The following SEPTIN2 variants were observed in gnomAD, a reference collection of about 807,000 sequenced individuals.
SEPTIN2 encodes septin 2, also known as septin-2.
SEPTIN2 carries 34 observed loss-of-function variants against 46.5 expected under a neutral mutation model. That is an observed-to-expected ratio of 0.73 (90% CI 0.56 to 0.97). SEPTIN2 has a LOEUF of 0.97. Among genes scored for constraint, SEPTIN2 ranks in the 50% least tolerant of loss-of-function variants. The probability of loss-of-function intolerance (pLI) is 0.00; values close to 1 mark genes in which losing one functional copy is unlikely to be tolerated. For synonymous variants in SEPTIN2, 175 were observed against 153.4 expected, an observed-to-expected ratio of 1.14 and a Z score of -1.04; for missense variants, 347 against 448.4, an observed-to-expected ratio of 0.77 and a Z score of 2.04.
At chr2:241,331,133 C>G (rs1366289116) in intron 3 of SEPTIN2, among the ~76,000 whole-genome samples, 2 of 152,070 alleles carry the variant, frequency 1.3e-5, no homozygotes, top group African/African-American at 4.8e-5. Flanking sequence ...GAGCCGAGGT[C>G]ATGCCACTGC....
chr2:241,338,282 C>G (rs1471481815), intron 7 of SEPTIN2, among the ~76,000 whole-genome samples: 1 of 152,090 alleles, frequency 6.6e-6, no homozygotes, highest in African/African-American at 2.4e-5. Flanking sequence ...CCGTGTATGT[C>G]TGTAAAGCCT....
In SEPTIN2 at chr2:241,317,453, T is replaced by C. The variant is rs2076520562; in HGVS notation, c.-18+1471T>C. The C allele has an allele frequency of 6.5e-6, 5 of 768,310 alleles. No individual in the cohort carries two copies. In the African/African-American group the frequency reaches 7.6e-5, roughly 12 times the overall value. The allele number at this position is 768,310 out of a possible 1,614,324, so 47.6% of individuals were successfully genotyped here. On this transcript the variant is annotated intron_variant, in intron 1 of 12. Coordinates refer to ENST00000391971, the MANE Select transcript of SEPTIN2 (RefSeq NM_004404.5). ...GGAAAGGGGCCAGGGTTTCCCTCTA[T>C]CATTCATAAATGTAATTCAGGGCCC... is the stretch of plus-strand genomic sequence containing the variant.
At chr2:241,335,418 C>T (rs1471269970) in intron 4 of SEPTIN2, 8 of 1,378,734 alleles carry the variant, frequency 5.8e-6, no homozygotes, top group Non-Finnish European at 8.1e-6. Flanking sequence ...ATCCATGGAT[C>T]CATCCTCTCT....
chr2:241,316,689 C>T, intron 1 of SEPTIN2: 1 of 551,630 alleles, frequency 1.8e-6, no homozygotes, highest in Non-Finnish European at 3.0e-6. Flanking sequence ...CCCAGACAAA[C>T]CTGGCTTGCT....
chr2:241,339,245 T>A (rs542569292), intron 7 of SEPTIN2, among the ~76,000 whole-genome samples: 1 of 150,998 alleles, frequency 6.6e-6, no homozygotes. Context: ...TTACAAAAGT[T>A]AGCCGGGCGT....
chr2:241,330,935 C>T (rs567569659), intron 3 of SEPTIN2, among the ~76,000 whole-genome samples: 12 of 152,248 alleles, frequency 7.9e-5, no homozygotes, highest in South Asian at 4.2e-4. Context: ...TTTGGGAGCC[C>T]GAGGCTGGCA....
At chr2:241,350,350 C>T (rs1372995088) in intron 12 of SEPTIN2, 147 bp downstream of exon 12, 2 of 412,446 alleles carry the variant, frequency 4.8e-6, no homozygotes, top group Non-Finnish European at 8.7e-6. Context: ...GAGATTGCTC[C>T]TGAAAAACAG....
chr2:241,316,521 G>T (rs567493376), intron 1 of SEPTIN2: 87 of 1,521,264 alleles, frequency 5.7e-5, no homozygotes, highest in Non-Finnish European at 7.3e-5. Flanking sequence ...GGGTACCTTC[G>T]GCGAGGAGAG....
intron 2 of SEPTIN2, among the ~76,000 whole-genome samples, chr2:241,325,534 C>T (rs62186438): frequency 1.3e-5 from 2 of 152,142 alleles, no homozygotes; most frequent in African/African-American, 2.4e-5. Context: ...TTCAGAAATG[C>T]ATTGCACCTA....
intron 5 of SEPTIN2, chr2:241,336,964 T>G (rs2080111122): frequency 6.4e-6 from 1 of 155,452 alleles, no homozygotes; most frequent in African/African-American, 2.4e-5. Flanking sequence ...CGTGGTGGCG[T>G]GTGCCTATAA....
intron 1 of SEPTIN2, chr2:241,316,404 T>G: frequency 1.0e-6 from 1 of 975,984 alleles, no homozygotes; most frequent in Non-Finnish European, 1.4e-6. Flanking sequence ...TTTCTAACGG[T>G]GCCATTTCCT....
intron 3 of SEPTIN2, among the ~76,000 whole-genome samples, chr2:241,332,765 A>G (rs112359489): frequency 1.6e-4 from 24 of 152,378 alleles, no homozygotes; most frequent in African/African-American, 4.8e-4. Flanking sequence ...GTGTAGCCAT[A>G]CAATGGAATA....
intron 7 of SEPTIN2, among the ~76,000 whole-genome samples, chr2:241,338,065 A>C (rs1198243059): frequency 6.6e-6 from 1 of 152,232 alleles, no homozygotes; most frequent in Non-Finnish European, 1.5e-5. Context: ...AGTACCTTCC[A>C]TGGGAGTTAA....
At chr2:241,331,583 A>C (rs1275857924) in intron 3 of SEPTIN2, among the ~76,000 whole-genome samples, 2 of 152,162 alleles carry the variant, frequency 1.3e-5, no homozygotes, top group Non-Finnish European at 2.9e-5. Context: ...TAGAAATGGC[A>C]TTTTGTCATA....
intron 3 of SEPTIN2, among the ~76,000 whole-genome samples, chr2:241,332,855 A>G (rs931798677): frequency 1.4e-4 from 21 of 152,372 alleles, no homozygotes; most frequent in African/African-American, 5.1e-4. Context: ...GAGCAAAAGC[A>G]GCCAGACACA....
chr2:241,326,082 A>G lies in SEPTIN2; in HGVS notation c.99A>G (p.Lys33=), dbSNP rs750056081. 8 of 1,613,772 alleles carry G rather than the reference A, an allele frequency of 5.0e-6. No individual in the cohort carries two copies. In the East Asian group the frequency reaches 1.6e-4, roughly 31 times the overall value. The change falls in exon 3 of 13, where the codon AAA becomes AAG. Residue 33 remains lysine, a synonymous_variant. Coordinates refer to ENST00000391971, the MANE Select transcript of SEPTIN2 (RefSeq NM_004404.5). ...ATCAAGTTCACCGAAAATCAGTGAA[A>G]AAAGGTTTTGAGTTCACACTGATGG... ...LPNQVHRKSV[K]KGFEFTLMVV...
At chr2:241,344,337 C>T (rs918363907) in intron 9 of SEPTIN2, among the ~76,000 whole-genome samples, 2 of 152,140 alleles carry the variant, frequency 1.3e-5, no homozygotes, top group African/African-American at 4.8e-5. Flanking sequence ...CCCTGGTTAG[C>T]TTTTTGTGTC....
At chr2:241,338,856 A>G (rs1376917049) in intron 7 of SEPTIN2, among the ~76,000 whole-genome samples, 1 of 96,114 alleles carries the variant, frequency 1.0e-5, no homozygotes, top group Non-Finnish European at 1.8e-5. Context: ...TATAATATAT[A>G]TAAAAATATA....
chr2:241,348,231 T>TG (rs1559671382), intron 11 of SEPTIN2, 40 bp downstream of exon 11: 1 of 1,562,860 alleles, frequency 6.4e-7, no homozygotes. Flanking sequence ...GTTGGTTGGT[T>TG]GTTTTGTTTG....
Sources: allele counts gnomAD v4.1 joint callset (sites outside exome capture counted in the v4.1 genomes callset), GRCh38; gene constraint gnomAD v4.1.1; transcripts MANE v1.5; gene names NCBI Gene and HGNC (gene_info 2026-07-23, HGNC 2026-07-21).